The following ZYG11A variants were observed in gnomAD, a reference collection of about 807,000 sequenced individuals.
ZYG11A encodes zyg-11 family member A, cell cycle regulator, also known as protein zyg-11 homolog A.
Under a neutral mutation model 77.2 loss-of-function variants are expected in ZYG11A, and 62 were observed. The ratio of observed to expected loss-of-function variants is 0.80; its 90% CI spans 0.65 to 0.99. ZYG11A has a LOEUF of 0.99. Ranked by LOEUF, ZYG11A falls within the 50% of genes least tolerant of loss-of-function variation. The probability of loss-of-function intolerance (pLI) is 0.00; values close to 1 mark genes in which losing one functional copy is unlikely to be tolerated. For synonymous variants in ZYG11A, 315 were observed against 324.6 expected (o/e 0.97, Z 0.32); for missense variants, 828 against 896.8 (o/e 0.92, Z 0.98).
chr1:52,887,005 G>A lies in ZYG11A; in HGVS notation c.2056G>A (p.Val686Ile). 1.3e-6 allele frequency: 2 copies of A among 1,549,916 alleles called. No homozygotes were observed. Among genetic ancestry groups the A allele is most frequent in the Non-Finnish European group, 1.7e-6 (2 of 1,145,898 alleles). ...PLLGNFSQPE[V>I]QLWALWAMYH... Reference sequence around the variant, plus strand: ...CCTTGGCAACTTCTCTCAACCAGAGGTTCAGCTCTGGGCACTATGGGCTAT... The same window carrying A: ...CCTTGGCAACTTCTCTCAACCAGAGATTCAGCTCTGGGCACTATGGGCTAT... The change falls in exon 13 of 14, where the codon GTT becomes ATT. Residue 686 changes from valine (V) to isoleucine (I), a missense_variant. Coordinates refer to ENST00000371528, the MANE Select transcript of ZYG11A (RefSeq NM_001004339.3).
At chr1:52,866,638 G>A (rs548208266) in intron 6 of ZYG11A, 71 bp downstream of exon 6, 1 of 905,266 alleles carries the variant, frequency 1.1e-6, no homozygotes, top group Admixed American at 2.2e-5. Flanking sequence ...CCTGATTAAG[G>A]CTGGGATAAG....
intron 10 of ZYG11A, among the ~76,000 whole-genome samples, chr1:52,879,831 C>T (rs998628827): frequency 4.7e-5 from 7 of 150,006 alleles, no homozygotes; most frequent in Non-Finnish European, 1.0e-4. Flanking sequence ...GGTGTGATCT[C>T]GGCTCACTGC....
intron 4 of ZYG11A, among the ~76,000 whole-genome samples, chr1:52,863,431 C>T (rs1645965849): frequency 6.6e-6 from 1 of 152,112 alleles, no homozygotes; most frequent in Non-Finnish European, 1.5e-5. Context: ...TCCATTCTGC[C>T]CCTACATTTA....
chr1:52,876,991 T>C (rs1016824330), intron 8 of ZYG11A, among the ~76,000 whole-genome samples: 1 of 152,198 alleles, frequency 6.6e-6, no homozygotes, highest in Non-Finnish European at 1.5e-5. Context: ...AGTGAACCAG[T>C]GGCCTCTTCA....
At position 52,846,308 on chromosome 1, in the gene ZYG11A, TTTTATATATA is replaced by T. The variant is rs1299725829; in HGVS notation, c.90+3337_90+3346del. On this transcript the variant is annotated intron_variant, in intron 1 of 13. Transcript: ENST00000371528. ...TTTTGGAAATCATGGCTTTTTAAATTTTTATATATATATATATATATATATATATATATAT... is the reference window on the plus strand; with the variant it reads ...TTTTGGAAATCATGGCTTTTTAAATTTATATATATATATATATATATATAT... Among the ~76,000 whole-genome samples the T allele has an allele frequency of 1.2e-3, 150 of 124,890 alleles. 3 individuals are homozygous for T. The highest frequency in any genetic ancestry group is 4.0e-3 in the African/African-American group (141 of 35,582). The allele number at this position is 124,890 out of a possible 152,430, so 81.9% of individuals were successfully genotyped here. A position where few individuals can be genotyped will look rare whatever the true frequency, so the allele number is the denominator to read the frequency against.
intron 9 of ZYG11A, 28 bp from the exon 10 acceptor site, chr1:52,877,896 TA>T (rs1646290133): frequency 1.3e-6 from 2 of 1,551,166 alleles, no homozygotes; most frequent in Admixed American, 2.0e-5. Context: ...CATGATAAAG[TA>T]ACCTGTATGT....
At position 52,894,891 on chromosome 1, in the gene ZYG11A, T is replaced by C. The variant is rs1489712335; in HGVS notation, c.*1934T>C. ...TGTGAGGATGTGTTAGGGGAACTAG[T>C]GTGTTAAGTCCAATTCTGTACAAGA... On this transcript the variant is annotated 3_prime_UTR_variant, in exon 14 of 14. Transcript: ENST00000371528. 2.0e-5 allele frequency: 3 copies of C among 152,218 alleles called. No individual in the cohort carries two copies. Among genetic ancestry groups the C allele is most frequent in the Non-Finnish European group, 2.9e-5 (2 of 68,038 alleles). The allele number at this position is 152,218 out of a possible 1,614,324, so 9.4% of individuals were successfully genotyped here.
chr1:52,891,864 G>A (rs1646548952), intron 13 of ZYG11A, among the ~76,000 whole-genome samples: 1 of 143,640 alleles, frequency 7.0e-6, no homozygotes, highest in Admixed American at 6.7e-5. Flanking sequence ...ATTCATCTAT[G>A]CATTAAAAAA....
chr1:52,862,827 G>A (rs1160533844), intron 4 of ZYG11A, among the ~76,000 whole-genome samples: 1 of 152,152 alleles, frequency 6.6e-6, no homozygotes. Flanking sequence ...TGCCCAGGCT[G>A]GAGTGCAGTG....
At chr1:52,873,917 G>A (rs1368285337) in intron 8 of ZYG11A, among the ~76,000 whole-genome samples, 1 of 151,970 alleles carries the variant, frequency 6.6e-6, no homozygotes, top group Non-Finnish European at 1.5e-5. Context: ...CCAGGAGGTG[G>A]AGGTTGCAAT....
chr1:52,846,456 G>A (rs963270157), intron 1 of ZYG11A, among the ~76,000 whole-genome samples: 2 of 149,858 alleles, frequency 1.3e-5, no homozygotes, highest in Admixed American at 1.4e-4. Flanking sequence ...AGGTTCAAGC[G>A]ATTCTCCTGC....
In ZYG11A at chr1:52,861,459, T is replaced by C. The variant is rs377666425; in HGVS notation, c.1149+588T>C. Among the ~76,000 whole-genome samples the C allele has an allele frequency of 5.5e-4, 84 of 152,278 alleles. 2 individuals are homozygous for C. The South Asian group carries it at 0.016, about 30-fold the overall frequency. ...AAAATGTGGATATTTTCCCAGCACT[T>C]TGGGAGGCCGAAGCGGGTGGATCAC... On this transcript the variant is annotated intron_variant, in intron 4 of 13. Transcript: ENST00000371528.
intron 8 of ZYG11A, among the ~76,000 whole-genome samples, chr1:52,875,357 G>A (rs1241402209): frequency 6.6e-6 from 1 of 152,304 alleles, no homozygotes; most frequent in East Asian, 1.9e-4. Flanking sequence ...GGAAAGCAGA[G>A]GTGGGGTCAG....
At chr1:52,886,922 TG>T in intron 12 of ZYG11A, 33 bp from the exon 13 acceptor site, 1 of 1,141,264 alleles carries the variant, frequency 8.8e-7, no homozygotes, top group Non-Finnish European at 1.3e-6. Context: ...CTAACTGTTC[TG>T]GATTAACATC....
rs1645838159 is a variant in ZYG11A at position 52,857,567 on chromosome 1, C to T, written c.826C>T (p.His276Tyr). Residue 276 changes from histidine to tyrosine, a missense_variant, in exon 3 of 14, where the codon CAT becomes TAT. By Grantham distance (83) the His-to-Tyr change is moderately conservative. Transcript: ENST00000371528. ...HRQLKSDLAF[H>Y]LLQQKDILPN... ...GCAACTCAAATCAGACCTAGCTTTT[C>T]ATTTGCTACAGCAGAAGGATATCCT... The T allele has an allele frequency of 1.3e-6, 2 of 1,552,010 alleles. No individual in the cohort carries two copies. The highest frequency in any genetic ancestry group is 1.7e-6 in the Non-Finnish European group (2 of 1,147,064).
At chr1:52,853,176 C>G (rs764284989) in intron 1 of ZYG11A, among the ~76,000 whole-genome samples, 3 of 152,198 alleles carry the variant, frequency 2.0e-5, no homozygotes, top group Non-Finnish European at 4.4e-5. Context: ...AGCTGCAGCT[C>G]ACTCTGCTGA....
rs965548266 is a variant in ZYG11A, at chr1:52,852,007, C to T, written c.91-2458C>T. ...TTGGCTCGCTGCAACCTCCGCCTCC[C>T]GGGTTCAAGTGATTCTCCTGCCTCT... On this transcript the variant is annotated intron_variant, in intron 1 of 13. Transcript: ENST00000371528. 6.6e-5 allele frequency among the ~76,000 whole-genome samples: 10 copies of T among 151,450 alleles called. No homozygotes were observed. The South Asian group carries it at 1.0e-3, about 16-fold the overall frequency.
Position 52,881,519 on chromosome 1 carries a change from G to T in ZYG11A, c.1798G>T (p.Asp600Tyr). 6.4e-7 allele frequency: 1 copy of T among 1,551,710 alleles called. No individual in the cohort carries two copies. Among genetic ancestry groups the T allele is most frequent in the South Asian group, 1.2e-5 (1 of 84,036 alleles). ...RELSSKLVTE[D>Y]VLKHINSLLC... Reference sequence around the variant, plus strand: ...GCTCTCTTCCAAGCTGGTGACCGAAGATGTGCTGAAGCATATCAACAGTTT... The same window carrying T: ...GCTCTCTTCCAAGCTGGTGACCGAATATGTGCTGAAGCATATCAACAGTTT... The change falls in exon 11 of 14, where the codon GAT (aspartate) becomes TAT (tyrosine). Residue 600 changes from aspartate (D) to tyrosine (Y), a missense_variant. Coordinates refer to ENST00000371528, the MANE Select transcript of ZYG11A (RefSeq NM_001004339.3).
Position 52,857,181 on chromosome 1 carries a change from G to C in ZYG11A, c.440G>C (p.Gly147Ala). The C allele has an allele frequency of 6.4e-7, 1 of 1,552,078 alleles. No homozygotes were observed. Among genetic ancestry groups the C allele is most frequent in the Non-Finnish European group, 8.7e-7 (1 of 1,147,090 alleles). ...ADLPVPDIIS[G>A]LCSNRWIQQN... Reference sequence around the variant, plus strand: ...CTCCCAGTTCCAGACATCATAAGTGGACTCTGCAGCAATAGGTGGATCCAG... The same window carrying C: ...CTCCCAGTTCCAGACATCATAAGTGCACTCTGCAGCAATAGGTGGATCCAG... The change falls in exon 3 of 14, where the codon GGA (glycine) becomes GCA (alanine). Residue 147 changes from glycine (G) to alanine (A), a missense_variant. Coordinates refer to ENST00000371528, the MANE Select transcript of ZYG11A (RefSeq NM_001004339.3).
Sources: gnomAD v4.1 joint callset for allele counts (sites outside exome capture counted in the v4.1 genomes callset) on GRCh38, gnomAD v4.1.1 for gene constraint, MANE v1.5 for transcripts, NCBI Gene and HGNC (gene_info 2026-07-23, HGNC 2026-07-21) for gene names.